Variants in AGBL5 observed in about 807,000 individuals in gnomAD.
AGBL5 encodes the protein cytosolic carboxypeptidase-like protein 5.
In AGBL5, 51 loss-of-function variants were observed where a neutral mutation model predicts 88.0. The ratio of observed to expected loss-of-function variants is 0.58; its 90% CI spans 0.46 to 0.73. AGBL5 has a LOEUF of 0.73. Among genes scored for constraint, AGBL5 ranks in the 30% least tolerant of loss-of-function variants. The pLI is 0.00. For synonymous variants in AGBL5, 446 were observed against 438.8 expected (o/e 1.02, Z -0.21); for missense variants, 1,031 against 1,162.2 (o/e 0.89, Z 1.64).
At chr2:27,059,062 T>G (rs2148285229) in intron 10 of AGBL5, 128 bp from the exon 11 acceptor site, 1 of 878,962 alleles carries the variant, frequency 1.1e-6, no homozygotes, top group Non-Finnish European at 1.8e-6. Context: ...ATTCCTCACT[T>G]CTTCCTTGGG....
intron 1 of AGBL5, 190 bp downstream of exon 1, chr2:27,051,983 G>C (rs1239369680): frequency 6.6e-6 from 1 of 152,622 alleles, no homozygotes; most frequent in Non-Finnish European, 1.5e-5. Flanking sequence ...GGCCCTCCCT[G>C]CCTAATCCCC....
intron 9 of AGBL5, among the ~76,000 whole-genome samples, chr2:27,057,828 C>T (rs1339816445): frequency 3.9e-5 from 6 of 152,202 alleles, no homozygotes; most frequent in Admixed American, 2.0e-4. Flanking sequence ...ATAATCCCAG[C>T]ACTTTGGGAG....
chr2:27,069,627 T>A lies in AGBL5; in HGVS notation c.2410T>A (p.Ser804Thr). The change falls in exon 14 of 15, where the codon TCT (serine) becomes ACT (threonine). Residue 804 changes from serine to threonine, a missense_variant. This residue lies in a region of AGBL5 where 491 missense variants were observed against 484.0 expected (regional missense o/e 1.01). Coordinates refer to ENST00000360131, the MANE Select transcript of AGBL5 (RefSeq NM_021831.6). The stretch of plus-strand genomic sequence containing the variant: ...GCCGACTCGCAGAGGGATGAAAGGC[T>A]CTTCAGGCCCCACATCCCCTACCCC... ...SPPTRRGMKG[S>T]SGPTSPTPRT... 2 of 1,614,120 alleles carry A rather than the reference T, an allele frequency of 1.2e-6. No homozygotes were observed. Among genetic ancestry groups the A allele is most frequent in the Non-Finnish European group, 1.7e-6 (2 of 1,180,002 alleles).
At chr2:27,067,716 C>G (rs760820689) in intron 12 of AGBL5, 70 bp downstream of exon 12, 1 of 1,579,864 alleles carries the variant, frequency 6.3e-7, no homozygotes, top group Admixed American at 1.7e-5. Context: ...TTCTTTAAGC[C>G]TAGTTGGGAG....
rs1668284707 is a variant in AGBL5, at chr2:27,053,574, G to A, written c.387+1G>A. ...CATTCGAGACCGGCCCACCTTTGAG[G>A]TAAGTTCTCCATGAGGAGGAAAGAA... On this transcript the variant is annotated splice_donor_variant, in intron 3 of 14. Transcript: ENST00000360131. LOFTEE classifies it high-confidence loss of function. The surrounding 1 kb of genome is among the most constrained non-coding windows in gnomAD (Gnocchi z 4.9). 6.2e-7 allele frequency: 1 copy of A among 1,609,624 alleles called. No homozygotes were observed. Among genetic ancestry groups the A allele is most frequent in the Non-Finnish European group, 8.5e-7 (1 of 1,178,160 alleles).
chr2:27,056,431 TAAA>T, intron 7 of AGBL5, 189 bp from the exon 8 acceptor site: 1 of 579,008 alleles, frequency 1.7e-6, no homozygotes, highest in Non-Finnish European at 2.8e-6. Flanking sequence ...GCTAAAAGCT[TAAA>T]AAAAAAAGAA....
rs1458136447 is a variant in AGBL5, at chr2:27,053,623, A to T, written c.387+50A>T. ...AAAGACTTGGGTGCTAAAAGTAGAG[A>T]GGAAAGTAAAGCGTTTTTTTTTCCT... On this transcript the variant is annotated intron_variant, in intron 3 of 14. Transcript: ENST00000360131. The surrounding 1 kb of genome is among the most constrained non-coding windows in gnomAD (Gnocchi z 4.9). 19 of 1,565,044 alleles carry T rather than the reference A, an allele frequency of 1.2e-5. No homozygotes were observed. Among genetic ancestry groups the T allele is most frequent in the Non-Finnish European group, 1.6e-5 (19 of 1,159,874 alleles).
At chr2:27,054,592 T>C (rs1162628161) in intron 4 of AGBL5, 38 bp from the exon 5 acceptor site, 12 of 1,591,316 alleles carry the variant, frequency 7.5e-6, no homozygotes, top group East Asian at 2.2e-5. Flanking sequence ...ACTAGGACTT[T>C]AGGGACTTCT....
chr2:27,056,306 G>C, intron 7 of AGBL5, 168 bp downstream of exon 7: 1 of 674,624 alleles, frequency 1.5e-6, no homozygotes, highest in East Asian at 2.7e-5. Context: ...GGCACAGGGG[G>C]ATAATGTCTC....
chr2:27,054,584 T>A, intron 4 of AGBL5, 46 bp from the exon 5 acceptor site: 1 of 1,577,062 alleles, frequency 6.3e-7, no homozygotes, highest in Non-Finnish European at 8.6e-7. Flanking sequence ...TACCTCTTAC[T>A]AGGACTTTAG....
chr2:27,057,274 G>C, intron 8 of AGBL5, 29 bp from the exon 9 acceptor site: 2 of 1,599,458 alleles, frequency 1.3e-6, no homozygotes, highest in Non-Finnish European at 1.7e-6. Context: ...TGTTCAGGCG[G>C]GACACTGATA....
In AGBL5 at chr2:27,070,349, T is replaced by G. The variant is rs374751559; in HGVS notation, c.*86T>G. 23 of 1,401,298 alleles carry G rather than the reference T, an allele frequency of 1.6e-5. No homozygotes were observed. Among genetic ancestry groups the G allele is most frequent in the East Asian group, 1.1e-4 (5 of 43,480 alleles). 86.8% of individuals were successfully genotyped at this position (1,401,298 alleles called of 1,614,324 possible). On this transcript the variant is annotated 3_prime_UTR_variant, in exon 15 of 15. Coordinates refer to ENST00000360131, the MANE Select transcript of AGBL5 (RefSeq NM_021831.6). ...GCTAGTTCCCCTCCAGGCCGCTGAT[T>G]CCATGTGACAGCCGTTAAGTCCTTG...
intron 13 of AGBL5, chr2:27,069,248 T>C (rs1669149828): frequency 3.0e-6 from 3 of 985,424 alleles, no homozygotes; most frequent in African/African-American, 1.7e-5. Flanking sequence ...TAGAGGGCTC[T>C]GAGAGAGGTC....
At chr2:27,051,245 T>C (rs1471613693), upstream of AGBL5, among the ~76,000 whole-genome samples, 1 of 152,226 alleles carries the variant, frequency 6.6e-6, no homozygotes. Context: ...GAGCGCTCGC[T>C]TAGCATGCGA....
Position 27,056,775 on chromosome 2 carries a change from CT to C in AGBL5, c.1519del (p.Ser507GlnfsTer3), listed in dbSNP as rs1416150711. 1 of 1,608,644 alleles carries C rather than the reference CT, an allele frequency of 6.2e-7. No individual in the cohort carries two copies. The highest frequency in any genetic ancestry group is 8.5e-7 in the Non-Finnish European group (1 of 1,176,848). On this transcript the variant is annotated frameshift_variant, in exon 8 of 15. Transcript: ENST00000360131. LOFTEE classifies it high-confidence loss of function. Reference sequence around the variant, plus strand: ...GCGGCCGTGTTGCAATCTACAAAGCCTCAGGGATAATCCACAGGTTGGGTGG... The same window carrying C: ...GCGGCCGTGTTGCAATCTACAAAGCCCAGGGATAATCCACAGGTTGGGTGG... ...GSGRVAIYKA[S>X]GIIHSYTLEC...
In AGBL5 at chr2:27,055,212, T is replaced by G. The variant is rs772845393; in HGVS notation, c.867T>G (p.Ile289Met). Residue 289 changes from isoleucine to methionine, a missense_variant, in exon 6 of 15, where the codon ATT (isoleucine) becomes ATG (methionine). Physicochemically the swap from Ile to Met is conservative, Grantham distance 10. Coordinates refer to ENST00000360131, the MANE Select transcript of AGBL5 (RefSeq NM_021831.6). ...GTCGCCTCTTCGTCTTTAAGCTGAT[T>G]CCCATGTTGAACCCCGATGGTGTGG... ...TLRRLFVFKL[I>M]PMLNPDGVVR... 6.2e-7 allele frequency: 1 copy of G among 1,614,210 alleles called. No individual in the cohort carries two copies. Among genetic ancestry groups the G allele is most frequent in the Non-Finnish European group, 8.5e-7 (1 of 1,180,032 alleles).
In AGBL5 at chr2:27,068,517, A is replaced by G. The variant is rs1057132842; in HGVS notation, c.2243-115A>G. On this transcript the variant is annotated intron_variant, in intron 12 of 14. Transcript: ENST00000360131. ...AATGCACAAGACTACTCCCCACGAT[A>G]AAGAATTATCCAACCCAAATTGTCA... 4.8e-6 allele frequency: 4 copies of G among 827,516 alleles called. No homozygotes were observed. The African/African-American group carries it at 5.1e-5, about 11-fold the overall frequency. 51.3% of individuals were successfully genotyped at this position (827,516 alleles called of 1,614,324 possible).
intron 5 of AGBL5, 28 bp from the exon 6 acceptor site, chr2:27,055,047 T>G (rs746322182): frequency 1.2e-6 from 2 of 1,607,092 alleles, no homozygotes; most frequent in Non-Finnish European, 1.7e-6. Context: ...GGTAACTGAC[T>G]TAATGTCTGC....
intron 12 of AGBL5, among the ~76,000 whole-genome samples, chr2:27,068,267 G>C (rs1669095768): frequency 6.6e-6 from 1 of 152,184 alleles, no homozygotes; most frequent in Non-Finnish European, 1.5e-5. Context: ...GATTGCGGCA[G>C]TATAAACTGA....
Sources: allele counts gnomAD v4.1 joint callset (sites outside exome capture counted in the v4.1 genomes callset), GRCh38; gene constraint gnomAD v4.1.1; regional missense constraint gnomAD v4.1.1; non-coding constraint Gnocchi (gnomAD v3.1); transcripts MANE v1.5; gene names NCBI Gene and HGNC (gene_info 2026-07-23, HGNC 2026-07-21).